Variants in ZPLD1 observed in about 807,000 individuals in gnomAD.
ZPLD1 encodes zona pellucida like domain containing 1.
ZPLD1 carries 34 observed loss-of-function variants against 47.2 expected under a neutral mutation model. The observed-to-expected ratio is 0.72, with a 90% CI of 0.55 to 0.96. ZPLD1 has a LOEUF of 0.96. ZPLD1 is among the 40% of genes least tolerant of loss of function. ZPLD1 has a pLI of 0.00. For missense variants in ZPLD1, 512 were observed against 505.8 expected (o/e 1.01, Z -0.12); for synonymous variants, 176 against 186.2 (o/e 0.95, Z 0.45).
chr3:102,411,849 AG>A (rs1402071948), intron 7 of ZPLD1, among the ~76,000 whole-genome samples: 2 of 151,962 alleles, frequency 1.3e-5, no homozygotes, highest in African/African-American at 4.8e-5. Flanking sequence ...CAGAACCAAT[AG>A]GGTATATCTC....
rs1559751460 is a variant in ZPLD1 at position 102,438,538 on chromosome 3, G to A, written c.51G>A (p.Gly17=). The A allele has an allele frequency of 1.2e-6, 2 of 1,613,870 alleles. No individual in the cohort carries two copies. Among genetic ancestry groups the A allele is most frequent in the Admixed American group, 3.3e-5 (2 of 59,990 alleles). The part of the protein sequence containing the change: ...LLLLTIRVLP[G]SAQFNGYNCD... ...TTCTAACAATTAGAGTGCTTCCGGG[G>A]TCTGCTCAGTTCAACGGCTACAACT... Residue 17 remains glycine (G), a synonymous_variant, in exon 3 of 12, where the codon GGG becomes GGA. Transcript: ENST00000466937.
upstream of ZPLD1, among the ~76,000 whole-genome samples, chr3:102,431,333 T>C (rs1707013340): frequency 6.6e-6 from 1 of 152,238 alleles, no homozygotes; most frequent in South Asian, 2.1e-4. Context: ...TCTTGTTGGC[T>C]CAACATATTT....
At chr3:102,466,757 T>A in intron 8 of ZPLD1, among the ~76,000 whole-genome samples, 1 of 150,208 alleles carries the variant, frequency 6.7e-6, no homozygotes, top group Non-Finnish European at 1.5e-5. Flanking sequence ...GTATAAGAAA[T>A]ACAAATAAAA....
intron 3 of ZPLD1, among the ~76,000 whole-genome samples, chr3:102,450,834 A>G (rs1338783019): frequency 1.3e-5 from 2 of 152,194 alleles, no homozygotes; most frequent in Admixed American, 6.5e-5. Flanking sequence ...ACTCATAAAC[A>G]TTTATTAAAA....
Position 102,477,726 on chromosome 3 carries a change from G to A in ZPLD1, c.*108G>A. The A allele has an allele frequency of 3.6e-6, 4 of 1,101,354 alleles. No homozygotes were observed. The highest frequency in any genetic ancestry group is 5.1e-6 in the Non-Finnish European group (4 of 789,634). The allele number at this position is 1,101,354 out of a possible 1,614,324, so 68.2% of individuals were successfully genotyped here. On this transcript the variant is annotated 3_prime_UTR_variant, in exon 12 of 12. Transcript: ENST00000466937. Reference sequence around the variant, plus strand: ...TGTCAGTCCACATTCAATATTTGTAGGTTTGATAAATTTCACAGTATAGCT... The same window carrying A: ...TGTCAGTCCACATTCAATATTTGTAAGTTTGATAAATTTCACAGTATAGCT...
At chr3:102,401,637 C>A (rs1158196320) in intron 7 of ZPLD1, among the ~76,000 whole-genome samples, 1 of 152,036 alleles carries the variant, frequency 6.6e-6, no homozygotes, top group Non-Finnish European at 1.5e-5. Context: ...ATGGCAGGAG[C>A]AAAACCAGCT....
Position 102,446,303 on chromosome 3 carries a change from T to A in ZPLD1, c.107-6616T>A, listed in dbSNP as rs530771488. Among the ~76,000 whole-genome samples, 4 of 152,314 alleles carry A rather than the reference T, an allele frequency of 2.6e-5. No individual in the cohort carries two copies. In the East Asian group the frequency reaches 7.7e-4, roughly 29 times the overall value. On this transcript the variant is annotated intron_variant, in intron 3 of 11. Coordinates refer to ENST00000466937, the MANE Select transcript of ZPLD1 (RefSeq NM_001329788.2). ...ACATGACGGGATGATTACACTCCAT[T>A]GGGAAAATTACAGAAAGGCTCATCA...
intron 7 of ZPLD1, among the ~76,000 whole-genome samples, chr3:102,408,868 T>C (rs552838652): frequency 1.3e-5 from 2 of 151,962 alleles, no homozygotes; most frequent in Admixed American, 1.3e-4. Context: ...AGTCTGGAAG[T>C]ATAATAATAA....
At chr3:102,473,099 A>C (rs1293466055) in intron 10 of ZPLD1, among the ~76,000 whole-genome samples, 1 of 152,128 alleles carries the variant, frequency 6.6e-6, no homozygotes, top group Non-Finnish European at 1.5e-5. Context: ...TATTATGAGA[A>C]CAGCATGGGA....
chr3:102,421,437 G>A (rs867296107), intron 8 of ZPLD1, among the ~76,000 whole-genome samples: 10 of 151,696 alleles, frequency 6.6e-5, no homozygotes. Flanking sequence ...TCATCTTTTA[G>A]AGATTTAAAA....
chr3:102,406,120 A>C (rs1706682188), intron 7 of ZPLD1, among the ~76,000 whole-genome samples: 1 of 151,988 alleles, frequency 6.6e-6, no homozygotes, highest in African/African-American at 2.4e-5. Flanking sequence ...GCAGTCATAC[A>C]GTTGTACACT....
chr3:102,386,427 T>A (rs907413447), intron 6 of ZPLD1, among the ~76,000 whole-genome samples: 3 of 152,152 alleles, frequency 2.0e-5, no homozygotes, highest in Admixed American at 6.5e-5. Flanking sequence ...AAGCGTTTTT[T>A]AATTCTTTCA....
At chr3:102,467,176 G>A (rs1707607833) in intron 8 of ZPLD1, among the ~76,000 whole-genome samples, 1 of 151,902 alleles carries the variant, frequency 6.6e-6, no homozygotes, top group Admixed American at 6.6e-5. Flanking sequence ...AATTTATAAC[G>A]ATATCAAAAA....
chr3:102,478,986 TG>T lies in ZPLD1; in HGVS notation c.*1369del, dbSNP rs1457126690. 6.6e-6 allele frequency: 1 copy of T among 152,186 alleles called. No homozygotes were observed. Among genetic ancestry groups the T allele is most frequent in the African/African-American group, 2.4e-5 (1 of 41,450 alleles). 9.4% of individuals were successfully genotyped at this position (152,186 alleles called of 1,614,324 possible). A position where few individuals can be genotyped will look rare whatever the true frequency, so the allele number is the denominator to read the frequency against. On this transcript the variant is annotated 3_prime_UTR_variant, in exon 12 of 12. Transcript: ENST00000466937. ...TACTGCATGCAAATCATCAAGCAAT[TG>T]CTTCAAAGGAAATGTCTACAATGTG...
chr3:102,468,221 G>A (rs1707627588), intron 8 of ZPLD1, among the ~76,000 whole-genome samples: 2 of 152,130 alleles, frequency 1.3e-5, no homozygotes, highest in South Asian at 4.1e-4. Flanking sequence ...TATTGCTTGT[G>A]AAGTCCAAAA....
intron 8 of ZPLD1, among the ~76,000 whole-genome samples, chr3:102,467,836 T>TACACACAC (rs61096565): frequency 0.021 from 2,968 of 140,948 alleles, 48 homozygotes; most frequent in Middle Eastern, 0.046. Context: ...AATAAAACTG[T>TACACACAC]ACACACACAC....
At chr3:102,458,010 G>C (rs1707445671) in intron 6 of ZPLD1, among the ~76,000 whole-genome samples, 157 bp downstream of exon 6, 1 of 152,174 alleles carries the variant, frequency 6.6e-6, no homozygotes. Context: ...ATATATCTTA[G>C]TGATAAAGGT....
In ZPLD1 at chr3:102,398,426, CTTCT is replaced by C. The variant is rs571446807; in HGVS notation, c.-157+6204_-157+6207del. The stretch of plus-strand genomic sequence containing the variant: ...TGTTTGACCTAAGGTGAGTCATTCT[CTTCT>C]TTGTCTGTCAAGGGTGATAATGAGA... On this transcript the variant is annotated intron_variant, in intron 7 of 17. Coordinates refer to the ZPLD1 transcript ENST00000491959. Among the ~76,000 whole-genome samples, 101 of 152,192 alleles carry C rather than the reference CTTCT, an allele frequency of 6.6e-4. 1 individual carries two copies. The highest frequency in any genetic ancestry group is 2.4e-3 in the African/African-American group (98 of 41,556).
rs60085952 is a variant in ZPLD1, at chr3:102,435,637, ATTTTTTTT to A, written c.-123+497_-123+504del. ...TGTAAAGTCTATGATCATCATCTTGATTTTTTTTTTTTTTTTTTTTTCTGAGACGGAGT... is the reference window on the plus strand; with the variant it reads ...TGTAAAGTCTATGATCATCATCTTGATTTTTTTTTTTTTCTGAGACGGAGT... On this transcript the variant is annotated intron_variant, in intron 1 of 11. Coordinates refer to ENST00000466937, the MANE Select transcript of ZPLD1 (RefSeq NM_001329788.2). Among the ~76,000 whole-genome samples, 634 of 117,372 alleles carry A rather than the reference ATTTTTTTT, an allele frequency of 5.4e-3. 6 individuals are homozygous for A. The highest frequency in any genetic ancestry group is 0.019 in the African/African-American group (560 of 29,198). 77.0% of individuals were successfully genotyped at this position (117,372 alleles called of 152,430 possible). A position where few individuals can be genotyped will look rare whatever the true frequency, so the allele number is the denominator to read the frequency against.
Sources: allele counts gnomAD v4.1 joint callset (sites outside exome capture counted in the v4.1 genomes callset), GRCh38; gene constraint gnomAD v4.1.1; transcripts MANE v1.5; gene names NCBI Gene and HGNC (gene_info 2026-07-23, HGNC 2026-07-21).